The following FRMPD4 variants were observed in gnomAD, a reference collection of about 807,000 sequenced individuals.
FRMPD4 encodes the protein FERM and PDZ domain containing 4.
A neutral mutation model predicts 94.1 loss-of-function variants in FRMPD4; 22 were observed. The observed-to-expected ratio is 0.23, with a 90% confidence interval of 0.17 to 0.33. FRMPD4 has a LOEUF of 0.33. Ranked by LOEUF, FRMPD4 falls within the 10% of genes least tolerant of loss-of-function variation. The pLI, the probability that FRMPD4 is intolerant of heterozygous loss-of-function variation, is 1.00. For synonymous variants in FRMPD4, 631 were observed against 548.6 expected, an observed-to-expected ratio of 1.15 and a Z score of -2.10; for missense variants, 1,111 against 1,339.9, an observed-to-expected ratio of 0.83 and a Z score of 2.67.
At chrX:12,000,561 G>A in intron 3 of FRMPD4, among the ~76,000 whole-genome samples, 1 of 111,818 alleles carries the variant, frequency 8.9e-6, no homozygotes, top group Non-Finnish European at 1.9e-5. Flanking sequence ...AGGTTGGTCA[G>A]AGCCATCCTC....
chrX:11,851,896 T>C (rs2053624287), intron 1 of FRMPD4, among the ~76,000 whole-genome samples: 1 of 106,466 alleles, frequency 9.4e-6, no homozygotes, highest in Non-Finnish European at 1.9e-5. Context: ...ACTCATACCT[T>C]GGGATGTGAA....
At chrX:12,339,751 G>A (rs374975065) in intron 1 of FRMPD4, among the ~76,000 whole-genome samples, 2 of 110,621 alleles carry the variant, frequency 1.8e-5, no homozygotes, top group South Asian at 7.8e-4. Context: ...CAAGTAGCTG[G>A]GACTACAGGC....
intron 1 of FRMPD4, among the ~76,000 whole-genome samples, chrX:12,259,824 C>T (rs1018020966): frequency 1.8e-5 from 2 of 111,170 alleles, no homozygotes; most frequent in African/African-American, 6.5e-5. Flanking sequence ...ATACTATGAA[C>T]ATTTTTAGTC....
At position 12,359,600 on chromosome X, in the gene FRMPD4, G is replaced by A. The variant is rs980981228; in HGVS notation, c.42-139080G>A. 2.7e-5 allele frequency among the ~76,000 whole-genome samples: 3 copies of A among 109,712 alleles called. No homozygotes were observed. In the Admixed American group the frequency reaches 2.9e-4, roughly 11 times the overall value. ...CTCCTGCCTCAGCCTCCCGAGTGTAGCTGGGATTACAGGCATGCGTCACCA... is the reference window on the plus strand; with the variant it reads ...CTCCTGCCTCAGCCTCCCGAGTGTAACTGGGATTACAGGCATGCGTCACCA... On this transcript the variant is annotated intron_variant, in intron 1 of 16. Coordinates refer to ENST00000675598, the MANE Select transcript of FRMPD4 (RefSeq NM_001368397.1).
At chrX:12,251,771 A>G (rs1020730185) in intron 1 of FRMPD4, among the ~76,000 whole-genome samples, 27 of 111,900 alleles carry the variant, frequency 2.4e-4, no homozygotes, top group African/African-American at 7.5e-4. Context: ...GAGCACTGAC[A>G]CCAACACAGC....
At chrX:12,247,830 G>A (rs1258301380) in intron 1 of FRMPD4, among the ~76,000 whole-genome samples, 1 of 111,945 alleles carries the variant, frequency 8.9e-6, no homozygotes, top group Non-Finnish European at 1.9e-5. Context: ...GGTTATAAAA[G>A]CGGATATTGA....
At chrX:12,068,003 T>C (rs2054935982) in intron 3 of FRMPD4, among the ~76,000 whole-genome samples, 1 of 111,684 alleles carries the variant, frequency 9.0e-6, no homozygotes. Flanking sequence ...CTGGATGGAC[T>C]CCATGTCATC....
chrX:12,181,967 A>G (rs1439769299), intron 1 of FRMPD4, among the ~76,000 whole-genome samples: 3 of 111,684 alleles, frequency 2.7e-5, no homozygotes, highest in Admixed American at 1.9e-4. Context: ...TGGTGACACC[A>G]GCAAATGATA....
At chrX:12,152,428 A>G (rs1276764121) in intron 1 of FRMPD4, among the ~76,000 whole-genome samples, 1 of 111,481 alleles carries the variant, frequency 9.0e-6, no homozygotes, top group Non-Finnish European at 1.9e-5. Flanking sequence ...TTACATAAAA[A>G]TACTGAAAGG....
chrX:12,455,919 C>T (rs1047505976), intron 1 of FRMPD4, among the ~76,000 whole-genome samples: 8 of 111,650 alleles, frequency 7.2e-5, no homozygotes, highest in African/African-American at 2.0e-4. Context: ...CTCAGCCTCC[C>T]GAGTAGCTGG....
intron 8 of FRMPD4, among the ~76,000 whole-genome samples, chrX:12,690,528 A>T (rs1452778811): frequency 1.8e-5 from 2 of 112,161 alleles, no homozygotes; most frequent in Non-Finnish European, 3.8e-5. Flanking sequence ...GCAGACTGTC[A>T]GTCTCACAAC....
intron 1 of FRMPD4, among the ~76,000 whole-genome samples, chrX:12,308,412 T>A (rs1233080509): frequency 8.9e-6 from 1 of 111,977 alleles, no homozygotes; most frequent in Admixed American, 9.4e-5. Context: ...ACTTGGATTC[T>A]GTTACTGCGA....
Position 12,659,832 on chromosome X carries a change from G to A in FRMPD4, c.423-15031G>A, listed in dbSNP as rs2059696522. ...AGTCAAATAAGCATTTCAAAGGCCAGAGACAATATTCATTCAGCAAAAAAT... is the reference window on the plus strand; with the variant it reads ...AGTCAAATAAGCATTTCAAAGGCCAAAGACAATATTCATTCAGCAAAAAAT... On this transcript the variant is annotated intron_variant, in intron 4 of 16. Transcript: ENST00000675598. Among the ~76,000 whole-genome samples, 4 of 112,290 alleles carry A rather than the reference G, an allele frequency of 3.6e-5. No individual in the cohort carries two copies. The Admixed American group carries it at 3.8e-4, about 11-fold the overall frequency.
At chrX:12,278,385 G>A (rs920951347) in intron 1 of FRMPD4, among the ~76,000 whole-genome samples, 2 of 111,632 alleles carry the variant, frequency 1.8e-5, no homozygotes, top group African/African-American at 3.3e-5. Flanking sequence ...TTCCCAACTG[G>A]CTTCTCCATT....
intron 1 of FRMPD4, among the ~76,000 whole-genome samples, chrX:11,864,909 T>C (rs1313560549): frequency 8.9e-6 from 1 of 111,974 alleles, no homozygotes; most frequent in African/African-American, 3.2e-5. Context: ...AATAGTTTCA[T>C]AAAATTGACC....
intron 4 of FRMPD4, among the ~76,000 whole-genome samples, chrX:12,645,653 C>A (rs906351651): frequency 1.8e-5 from 2 of 111,007 alleles, no homozygotes; most frequent in Non-Finnish European, 1.9e-5. Context: ...CCGCACCTGG[C>A]CAAAACTCTC....
chrX:12,693,366 ATTT>A (rs1412914104), intron 8 of FRMPD4, among the ~76,000 whole-genome samples: 2 of 112,044 alleles, frequency 1.8e-5, no homozygotes, highest in African/African-American at 6.5e-5. Context: ...ACCTATTATT[ATTT>A]ATTAATTGAT....
At position 12,674,910 on chromosome X, in the gene FRMPD4, T is replaced by A; in HGVS notation, c.468+2T>A. On this transcript the variant is annotated splice_donor_variant, in intron 5 of 16. Coordinates refer to ENST00000675598, the MANE Select transcript of FRMPD4 (RefSeq NM_001368397.1). LOFTEE classifies it high-confidence loss of function. Reference sequence around the variant, plus strand: ...CTCACTGTCATTCAGCCTTACCCTGTAAGTGTTCTGTGAATAAAAGTGCCA... The same window carrying A: ...CTCACTGTCATTCAGCCTTACCCTGAAAGTGTTCTGTGAATAAAAGTGCCA... 1 of 1,130,088 alleles carries A rather than the reference T, an allele frequency of 8.8e-7. No homozygotes were observed. The highest frequency in any genetic ancestry group is 3.0e-5 in the East Asian group (1 of 33,553). The allele number at this position is 1,130,088 out of a possible 1,213,427, so 93.1% of individuals were successfully genotyped here.
chrX:11,899,544 T>TATATATATATATAATGAACA (rs2053922633), intron 3 of FRMPD4, among the ~76,000 whole-genome samples: 1 of 111,795 alleles, frequency 8.9e-6, no homozygotes, highest in Non-Finnish European at 1.9e-5. Context: ...ATGAACATGT[T>TATATATATATATAATGAACA]TATTTAGCCA....
Sources: gnomAD v4.1 joint callset for allele counts (sites outside exome capture counted in the v4.1 genomes callset) on GRCh38, gnomAD v4.1.1 for gene constraint, MANE v1.5 for transcripts, NCBI Gene and HGNC (gene_info 2026-07-23, HGNC 2026-07-21) for gene names.